GALM: variants seen among roughly 807,000 people sequenced by gnomAD.
GALM encodes the protein galactose mutarotase.
In GALM, 43 loss-of-function variants were observed where a neutral mutation model predicts 37.4. That is an observed-to-expected ratio of 1.15 (90% CI 0.90 to 1.48). The LOEUF is 1.48. GALM is among the 40% of genes most tolerant of loss of function. GALM has a pLI of 0.00. For synonymous variants in GALM, 199 were observed against 170.6 expected, an observed-to-expected ratio of 1.17 and a Z score of -1.30; for missense variants, 456 against 419.1, an observed-to-expected ratio of 1.09 and a Z score of -0.77.
intron 4 of GALM, among the ~76,000 whole-genome samples, chr2:38,724,244 T>C (rs1489606700): frequency 6.6e-6 from 1 of 152,196 alleles, no homozygotes; most frequent in African/African-American, 2.4e-5. Context: ...AAATAAAACA[T>C]TGAGAGATTC....
chr2:38,703,522 G>A (rs1665973673), intron 4 of GALM, among the ~76,000 whole-genome samples: 1 of 151,934 alleles, frequency 6.6e-6, no homozygotes, highest in African/African-American at 2.4e-5. Context: ...AAAATTCTCT[G>A]GGCCTCATTG....
chr2:38,675,536 T>G (rs1453630605), intron 1 of GALM, among the ~76,000 whole-genome samples: 3 of 93,080 alleles, frequency 3.2e-5, no homozygotes, highest in African/African-American at 1.5e-4. Flanking sequence ...GTTTTTTTTT[T>G]TTTTTTTTGT....
intron 4 of GALM, among the ~76,000 whole-genome samples, chr2:38,729,209 A>G (rs982241263): frequency 6.6e-6 from 1 of 151,616 alleles, no homozygotes; most frequent in South Asian, 2.1e-4. Context: ...TTGTTTTTTA[A>G]GACAGTCTCA....
intron 4 of GALM, among the ~76,000 whole-genome samples, chr2:38,724,218 C>T (rs1245567641): frequency 6.6e-6 from 1 of 152,108 alleles, no homozygotes; most frequent in Non-Finnish European, 1.5e-5. Context: ...CATGCCTGGC[C>T]AATTCTGTGA....
At chr2:38,729,462 C>A in intron 4 of GALM, 94 bp from the exon 5 acceptor site, 1 of 1,067,412 alleles carries the variant, frequency 9.4e-7, no homozygotes, top group South Asian at 1.7e-5. Flanking sequence ...AAAATGAAGG[C>A]GGAGAGAGTA....
At chr2:38,703,057 TATATATATATA>T (rs1665952772) in intron 4 of GALM, among the ~76,000 whole-genome samples, 7 of 2,938 alleles carry the variant, frequency 2.4e-3, no homozygotes, top group African/African-American at 4.0e-3. Flanking sequence ...TGGGATTTTA[TATATATATATA>T]TATATATATA....
chr2:38,703,927 A>G (rs1466126924), intron 4 of GALM, among the ~76,000 whole-genome samples: 1 of 152,066 alleles, frequency 6.6e-6, no homozygotes, highest in Non-Finnish European at 1.5e-5. Context: ...AGGCACAAGA[A>G]TTGCTTTGAA....
At chr2:38,707,698 C>T (rs1666058712) in intron 4 of GALM, among the ~76,000 whole-genome samples, 1 of 152,168 alleles carries the variant, frequency 6.6e-6, no homozygotes, top group Admixed American at 6.6e-5. Context: ...ATACAGAACC[C>T]TGCCAGGCAC....
At chr2:38,671,419 G>A (rs780081660) in intron 1 of GALM, 2 of 152,242 alleles carry the variant, frequency 1.3e-5, no homozygotes, top group Admixed American at 6.5e-5. Context: ...GAGGAAGCTA[G>A]ACAGATCTTA....
At chr2:38,731,958 A>T in intron 6 of GALM, 49 bp downstream of exon 6, 2 of 1,439,100 alleles carry the variant, frequency 1.4e-6, no homozygotes, top group Non-Finnish European at 2.0e-6. Flanking sequence ...CCAAGGTCAC[A>T]CTGTACGACA....
intron 2 of GALM, chr2:38,679,976 G>C: frequency 2.2e-6 from 1 of 445,116 alleles, no homozygotes; most frequent in Non-Finnish European, 4.5e-6. Flanking sequence ...GTTAATCCAA[G>C]ATTCCAATTC....
chr2:38,702,027 G>GTA (rs1318735181), intron 4 of GALM, among the ~76,000 whole-genome samples: 1 of 152,020 alleles, frequency 6.6e-6, no homozygotes, highest in Non-Finnish European at 1.5e-5. Flanking sequence ...TCCTCAGTAT[G>GTA]TATTGTTGGT....
At chr2:38,703,020 G>A (rs1314625898) in intron 4 of GALM, among the ~76,000 whole-genome samples, 1 of 106,580 alleles carries the variant, frequency 9.4e-6, no homozygotes, top group Non-Finnish European at 1.8e-5. Flanking sequence ...TACTCAGGAG[G>A]CTGGGAGGCT....
chr2:38,724,640 T>C (rs1436482153), intron 4 of GALM, among the ~76,000 whole-genome samples: 1 of 152,210 alleles, frequency 6.6e-6, no homozygotes, highest in Non-Finnish European at 1.5e-5. Flanking sequence ...TCTTCTCATT[T>C]ACCAAAAATT....
intron 1 of GALM, chr2:38,669,448 A>C (rs1257944416): frequency 6.6e-6 from 1 of 152,216 alleles, no homozygotes; most frequent in Non-Finnish European, 1.5e-5. Flanking sequence ...GGAATTGCTC[A>C]CGCGGTGAGC....
At chr2:38,669,839 C>T (rs1665043801) in intron 1 of GALM, among the ~76,000 whole-genome samples, 1 of 151,570 alleles carries the variant, frequency 6.6e-6, no homozygotes, top group African/African-American at 2.4e-5. Context: ...TGCTACTGCA[C>T]TCCAGCCTGG....
chr2:38,720,417 A>T (rs910372706), intron 4 of GALM, among the ~76,000 whole-genome samples: 6,482 of 72,410 alleles, frequency 0.09, 214 homozygotes, highest in Middle Eastern at 0.13. Context: ...TCTATGTTAA[A>T]AAAAAAAAAA....
chr2:38,688,892 C>A (rs1572520698), intron 3 of GALM, among the ~76,000 whole-genome samples: 1 of 152,308 alleles, frequency 6.6e-6, no homozygotes, highest in Admixed American at 6.5e-5. Flanking sequence ...GCGATCTTGG[C>A]TCACCGCAAC....
In GALM at chr2:38,698,017, C is replaced by T. The variant is rs568054218; in HGVS notation, c.634+8123C>T. ...GAAGTACAGTGGTGCAGTCTCGGCCCACTGCAGCCTCCGCCTTCCGGGTTC... is the reference window on the plus strand; with the variant it reads ...GAAGTACAGTGGTGCAGTCTCGGCCTACTGCAGCCTCCGCCTTCCGGGTTC... On this transcript the variant is annotated intron_variant, in intron 4 of 6. Transcript: ENST00000272252. Among the ~76,000 whole-genome samples the T allele has an allele frequency of 2.0e-5, 3 of 151,978 alleles. No homozygotes were observed. The South Asian group carries it at 6.2e-4, about 32-fold the overall frequency.
Sources: gnomAD v4.1 joint callset for allele counts (sites outside exome capture counted in the v4.1 genomes callset) on GRCh38, gnomAD v4.1.1 for gene constraint, MANE v1.5 for transcripts, NCBI Gene and HGNC (gene_info 2026-07-23, HGNC 2026-07-21) for gene names.